The following SPINK5 variants were observed in gnomAD, a reference collection of about 807,000 sequenced individuals.
SPINK5 encodes the protein serine peptidase inhibitor Kazal type 5.
A neutral mutation model predicts 151.8 loss-of-function variants in SPINK5; 125 were observed. The observed-to-expected ratio is 0.82, with a 90% CI of 0.71 to 0.96. The LOEUF is 0.96. Among genes scored for constraint, SPINK5 ranks in the 40% least tolerant of loss-of-function variants. The pLI is 0.00. For synonymous variants in SPINK5, 374 were observed against 395.3 expected (o/e 0.95, Z 0.64); for missense variants, 1,194 against 1,291.9 (o/e 0.92, Z 1.16).
At chr5:148,104,862 C>A in intron 15 of SPINK5, 90 bp from the exon 16 acceptor site, 6 of 1,318,490 alleles carry the variant, frequency 4.6e-6, no homozygotes, top group Non-Finnish European at 5.3e-6. Flanking sequence ...CGCCACTGCA[C>A]TCCAGCCTGG....
At chr5:148,094,656 T>C (rs952261005) in intron 9 of SPINK5, among the ~76,000 whole-genome samples, 175 bp downstream of exon 9, 2 of 151,980 alleles carry the variant, frequency 1.3e-5, no homozygotes, top group African/African-American at 4.8e-5. Flanking sequence ...CTGATGTTTG[T>C]CTATTTCTGA....
intron 11 of SPINK5, among the ~76,000 whole-genome samples, chr5:148,098,667 T>G (rs1380237344): frequency 4.4e-5 from 5 of 113,754 alleles, no homozygotes; most frequent in East Asian, 5.2e-4. Context: ...ATTATTGTGG[T>G]TTTTTTTTTC....
intron 22 of SPINK5, among the ~76,000 whole-genome samples, chr5:148,117,400 C>T (rs10059165): frequency 0.18 from 27,128 of 152,128 alleles, 3,622 homozygotes; most frequent in African/African-American, 0.36. Flanking sequence ...TCTATCTGCA[C>T]TAGAGACCTG....
At chr5:148,084,986 CTTTT>C (rs1043300724) in intron 4 of SPINK5, among the ~76,000 whole-genome samples, 17 of 151,492 alleles carry the variant, frequency 1.1e-4, no homozygotes, top group Admixed American at 6.6e-5. Flanking sequence ...CTCTCTCTCT[CTTTT>C]TTATTTTATA....
At position 148,123,886 on chromosome 5, in the gene SPINK5, C is replaced by T; in HGVS notation, c.2592C>T (p.Thr864=). The change falls in exon 27 of 33, where the codon ACC becomes ACT. Residue 864 remains threonine (T), a synonymous_variant. Coordinates refer to ENST00000256084, the MANE Select transcript of SPINK5 (RefSeq NM_006846.4). ...AGAGAAATGGAAAGCTTATCTGCAC[C>T]AGAGAAAATAACCCTGTTCGAGGCC... The part of the protein sequence containing the change: ...SMQRNGKLIC[T]RENNPVRGPY... 6.2e-7 allele frequency: 1 copy of T among 1,613,954 alleles called. No homozygotes were observed. Among genetic ancestry groups the T allele is most frequent in the Non-Finnish European group, 8.5e-7 (1 of 1,179,974 alleles).
intron 30 of SPINK5, among the ~76,000 whole-genome samples, chr5:148,129,886 G>A (rs1754530533): frequency 6.6e-6 from 1 of 152,116 alleles, no homozygotes; most frequent in Non-Finnish European, 1.5e-5. Context: ...TTTTTGGCAT[G>A]TAGTTATTTA....
intron 6 of SPINK5, 94 bp downstream of exon 6, chr5:148,088,699 G>C: frequency 2.4e-6 from 3 of 1,252,542 alleles, no homozygotes; most frequent in Non-Finnish European, 3.5e-6. Context: ...TGGGAGCCTT[G>C]GAAGGAATTA....
chr5:148,124,976 G>T (rs2303075), intron 28 of SPINK5, 139 bp downstream of exon 28: 5 of 1,247,240 alleles, frequency 4.0e-6, no homozygotes, highest in Non-Finnish European at 5.2e-6. Flanking sequence ...TTGTCACTTT[G>T]TATCATAACA....
intron 12 of SPINK5, 60 bp downstream of exon 12, chr5:148,099,375 G>C (rs891768120): frequency 1.4e-6 from 2 of 1,474,674 alleles, no homozygotes; most frequent in Non-Finnish European, 9.4e-7. Context: ...AATTTTAAGA[G>C]CCTAAAGGGT....
intron 29 of SPINK5, among the ~76,000 whole-genome samples, chr5:148,126,166 G>A (rs1754425467): frequency 6.6e-6 from 1 of 152,084 alleles, no homozygotes; most frequent in Non-Finnish European, 1.5e-5. Context: ...ACTCAATTGA[G>A]ATGCCTTTAA....
chr5:148,120,765 C>T (rs536434214), intron 26 of SPINK5, among the ~76,000 whole-genome samples: 4 of 152,182 alleles, frequency 2.6e-5, no homozygotes, highest in Admixed American at 6.5e-5. Context: ...CATGAGCCAT[C>T]GCACTCTGCT....
intron 4 of SPINK5, among the ~76,000 whole-genome samples, chr5:148,077,776 A>T (rs1290814079): frequency 6.6e-6 from 1 of 150,482 alleles, no homozygotes; most frequent in Non-Finnish European, 1.5e-5. Context: ...TAAGGTGCAT[A>T]TTGTAATTAC....
intron 26 of SPINK5, among the ~76,000 whole-genome samples, 169 bp from the exon 27 acceptor site, chr5:148,123,664 T>G (rs955133458): frequency 6.6e-6 from 1 of 151,416 alleles, no homozygotes; most frequent in Admixed American, 6.6e-5. Flanking sequence ...AGATTCAAAC[T>G]TCTTAGGTAG....
chr5:148,088,517 T>C, intron 5 of SPINK5, 25 bp from the exon 6 acceptor site: 5 of 1,607,246 alleles, frequency 3.1e-6, no homozygotes, highest in Non-Finnish European at 4.3e-6. Flanking sequence ...ATTAAACTGC[T>C]GTGTCTACTA....
At chr5:148,100,668 A>T (rs957046171) in intron 13 of SPINK5, 87 bp downstream of exon 13, 7 of 1,468,794 alleles carry the variant, frequency 4.8e-6, no homozygotes, top group South Asian at 1.1e-5. Flanking sequence ...GGGCCACTTC[A>T]ACATAAAAAT....
In SPINK5 at chr5:148,082,830, C is replaced by T. The variant is rs1753056001; in HGVS notation, c.283-3575C>T. On this transcript the variant is annotated intron_variant, in intron 4 of 32. Coordinates refer to ENST00000256084, the MANE Select transcript of SPINK5 (RefSeq NM_006846.4). ...TTCACCGTGTTAGCCAGGATGGTCT[C>T]GATCTCCTGACCTCGTGATCCGCCC... Among the ~76,000 whole-genome samples the T allele has an allele frequency of 1.3e-4, 2 of 15,236 alleles. 1 individual carries two copies. The highest frequency in any genetic ancestry group is 2.0e-4 in the Non-Finnish European group (2 of 10,184). 10.0% of individuals were successfully genotyped at this position (15,236 alleles called of 152,430 possible).
chr5:148,097,936 A>G lies in SPINK5; in HGVS notation c.952A>G (p.Ile318Val), dbSNP rs1561686879. ...ILFCTRENDP[I>V]RGPDGKMHGN... is the part of the protein sequence containing the mutation. ...TTTCTGTACCAGAGAAAATGACCCT[A>G]TTCGTGGTCCAGATGGGAAAATGCA... is the stretch of plus-strand genomic sequence containing the variant. Residue 318 changes from isoleucine (I) to valine (V), a missense_variant, in exon 11 of 33, where the codon ATT becomes GTT. Ile to Val is a conservative substitution (Grantham distance 29). Coordinates refer to ENST00000256084, the MANE Select transcript of SPINK5 (RefSeq NM_006846.4). 6.2e-7 allele frequency: 1 copy of G among 1,612,370 alleles called. No homozygotes were observed. Among genetic ancestry groups the G allele is most frequent in the African/African-American group, 1.3e-5 (1 of 74,956 alleles).
chr5:148,130,146 C>T (rs1484480484), intron 30 of SPINK5, among the ~76,000 whole-genome samples: 1 of 151,838 alleles, frequency 6.6e-6, no homozygotes, highest in Non-Finnish European at 1.5e-5. Context: ...AAGTTTAGAT[C>T]ATCCATTTTA....
rs1752512387 is a variant in SPINK5 at position 148,064,058 on chromosome 5, C to T, written c.14C>T (p.Thr5Ile). MKIA[T>I]VSVLLPLALC... The stretch of plus-strand genomic sequence containing the variant: ...ATCGTCTTCAACATGAAGATAGCCA[C>T]AGTGTCAGTGCTTCTGCCCTTGGCT... Residue 5 changes from threonine to isoleucine, a missense_variant, in exon 1 of 33, where the codon ACA (threonine) becomes ATA (isoleucine). By Grantham distance (89) the Thr-to-Ile change is moderately conservative (BLOSUM62 -1). Coordinates refer to ENST00000256084, the MANE Select transcript of SPINK5 (RefSeq NM_006846.4). The T allele has an allele frequency of 1.2e-6, 2 of 1,614,166 alleles. No individual in the cohort carries two copies. The highest frequency in any genetic ancestry group is 8.5e-7 in the Non-Finnish European group (1 of 1,180,032).
Sources: allele counts gnomAD v4.1 joint callset (sites outside exome capture counted in the v4.1 genomes callset), GRCh38; gene constraint gnomAD v4.1.1; transcripts MANE v1.5; gene names NCBI Gene and HGNC (gene_info 2026-07-23, HGNC 2026-07-21).